ANKS6: variants seen among roughly 807,000 people sequenced by gnomAD.
ANKS6 encodes ankyrin repeat and sterile alpha motif domain containing 6.
ANKS6 carries 47 observed loss-of-function variants against 77.9 expected under a neutral mutation model. The observed-to-expected ratio is 0.60, with a 90% confidence interval of 0.48 to 0.77. The LOEUF (loss-of-function observed/expected upper bound fraction) is 0.77. ANKS6 is among the 30% of genes least tolerant of loss of function. ANKS6 has a pLI of 0.00. For synonymous variants in ANKS6, 488 were observed against 501.7 expected (o/e 0.97, Z 0.37); for missense variants, 1,150 against 1,159.1 (o/e 0.99, Z 0.11).
intron 13 of ANKS6, 74 bp from the exon 14 acceptor site, chr9:98,745,749 T>G: frequency 8.9e-7 from 1 of 1,121,566 alleles, no homozygotes; most frequent in Non-Finnish European, 1.4e-6. Context: ...AGCAATCTCA[T>G]GATTATGAGC....
At position 98,796,320 on chromosome 9, in the gene ANKS6, C is replaced by G; in HGVS notation, c.172G>C (p.Gly58Arg). Residue 58 changes from glycine to arginine, a missense_variant, in exon 1 of 15, where the codon GGG (glycine) becomes CGG (arginine). By Grantham distance (125) the Gly-to-Arg change is moderately radical (BLOSUM62 -2). Transcript: ENST00000353234. Reference sequence around the variant, plus strand: ...CCGACTGCCCCCGCCGCTGCGGCCCCGGGCCCGGCCACCTCGGCCCCCGCC... The same window carrying G: ...CCGACTGCCCCCGCCGCTGCGGCCCGGGGCCCGGCCACCTCGGCCCCCGCC... ...EPAGAEVAGP[G>R]AAAAGAVGAP... 8.2e-7 allele frequency: 1 copy of G among 1,221,906 alleles called. No homozygotes were observed. Among genetic ancestry groups the G allele is most frequent in the Non-Finnish European group, 1.0e-6 (1 of 982,618 alleles). 75.7% of individuals were successfully genotyped at this position (1,221,906 alleles called of 1,614,324 possible). A position where few individuals can be genotyped will look rare whatever the true frequency, so the allele number is the denominator to read the frequency against.
intron 8 of ANKS6, among the ~76,000 whole-genome samples, chr9:98,776,766 T>G (rs1368103379): frequency 1.3e-5 from 2 of 152,172 alleles, no homozygotes; most frequent in Non-Finnish European, 2.9e-5. Context: ...TCCTCTCTCC[T>G]GCTGGCTGGA....
chr9:98,760,018 T>C (rs979812639), intron 11 of ANKS6, among the ~76,000 whole-genome samples: 2 of 152,210 alleles, frequency 1.3e-5, no homozygotes, highest in Admixed American at 1.3e-4. Flanking sequence ...ATGTCTGATA[T>C]GATGGATATA....
intron 9 of ANKS6, among the ~76,000 whole-genome samples, chr9:98,773,343 T>C (rs1756780335): frequency 6.6e-6 from 1 of 152,214 alleles, no homozygotes; most frequent in Admixed American, 6.5e-5. Context: ...ATCTACCATC[T>C]AGATACAGGT....
intron 6 of ANKS6, among the ~76,000 whole-genome samples, chr9:98,779,368 A>G (rs1326866889): frequency 1.3e-5 from 2 of 152,238 alleles, no homozygotes; most frequent in Non-Finnish European, 2.9e-5. Flanking sequence ...TGGCATGATC[A>G]GCAAATATCC....
intron 14 of ANKS6, among the ~76,000 whole-genome samples, chr9:98,743,767 T>C (rs1831967122): frequency 6.6e-6 from 1 of 152,258 alleles, no homozygotes; most frequent in Non-Finnish European, 1.5e-5. Context: ...ATGTGTGACA[T>C]GCTCAGAGCA....
intron 12 of ANKS6, among the ~76,000 whole-genome samples, chr9:98,752,436 T>C (rs1227126890): frequency 6.6e-6 from 1 of 152,140 alleles, no homozygotes; most frequent in African/African-American, 2.4e-5. Flanking sequence ...TCCCTCCCTC[T>C]TTCCCTTCCT....
intron 13 of ANKS6, among the ~76,000 whole-genome samples, chr9:98,749,763 A>G (rs1243515035): frequency 6.6e-6 from 1 of 152,218 alleles, no homozygotes; most frequent in African/African-American, 2.4e-5. Flanking sequence ...TATATGGTAG[A>G]AAAGCAAACA....
intron 8 of ANKS6, 91 bp from the exon 9 acceptor site, chr9:98,774,171 A>G (rs1833792979): frequency 8.4e-7 from 1 of 1,189,342 alleles, no homozygotes; most frequent in Admixed American, 3.7e-5. Flanking sequence ...TTCTTGGGGC[A>G]TGGCACCACC....
intron 1 of ANKS6, among the ~76,000 whole-genome samples, chr9:98,792,582 T>C (rs1166325600): frequency 2.0e-5 from 3 of 152,188 alleles, no homozygotes; most frequent in East Asian, 3.8e-4. Context: ...TCCTCCACTG[T>C]AGTACATTTC....
At chr9:98,743,346 C>A (rs1462591071) in intron 14 of ANKS6, among the ~76,000 whole-genome samples, 1 of 151,922 alleles carries the variant, frequency 6.6e-6, no homozygotes, top group African/African-American at 2.4e-5. Context: ...CCTTTACCAC[C>A]CTGGGGGCCT....
chr9:98,732,506 A>G lies in ANKS6; in HGVS notation c.*4013T>C. 6.4e-7 allele frequency: 1 copy of G among 1,550,536 alleles called. No homozygotes were observed. The highest frequency in any genetic ancestry group is 8.7e-7 in the Non-Finnish European group (1 of 1,146,972). ...CAGCAGAGCCACCTGAGCGGCTGCTACCTCTTGCCGGAGGCAGTTTCTTCT... is the reference window on the plus strand; with the variant it reads ...CAGCAGAGCCACCTGAGCGGCTGCTGCCTCTTGCCGGAGGCAGTTTCTTCT... On this transcript the variant is annotated 3_prime_UTR_variant, in exon 15 of 15. Coordinates refer to ENST00000353234, the MANE Select transcript of ANKS6 (RefSeq NM_173551.5).
chr9:98,765,805 T>C (rs1564197784), intron 11 of ANKS6, among the ~76,000 whole-genome samples: 1 of 152,206 alleles, frequency 6.6e-6, no homozygotes, highest in Non-Finnish European at 1.5e-5. Context: ...GCCTTGTGGA[T>C]ATTCCACCAT....
chr9:98,755,531 G>A (rs1832653768), intron 12 of ANKS6, among the ~76,000 whole-genome samples: 1 of 152,234 alleles, frequency 6.6e-6, no homozygotes, highest in African/African-American at 2.4e-5. Flanking sequence ...GGGGGCTGCA[G>A]AGGCTGTAAT....
rs376048873 is a variant in ANKS6, at chr9:98,756,618, A to C, written c.2143-15T>G. ...GTCTCCAATTTCTGCTGAACAGAGT[A>C]AGACAAATACATAAGCCATCACCTG... On this transcript the variant is annotated splice_polypyrimidine_tract_variant and intron_variant, in intron 11 of 14. Transcript: ENST00000353234. 1 of 1,499,586 alleles carries C rather than the reference A, an allele frequency of 6.7e-7. No individual in the cohort carries two copies. Among genetic ancestry groups the C allele is most frequent in the South Asian group, 1.4e-5 (1 of 72,094 alleles). The allele number at this position is 1,499,586 out of a possible 1,614,324, so 92.9% of individuals were successfully genotyped here. A position where few individuals can be genotyped will look rare whatever the true frequency, so the allele number is the denominator to read the frequency against.
At chr9:98,790,015 G>T in intron 2 of ANKS6, 89 bp downstream of exon 2, 1 of 1,477,516 alleles carries the variant, frequency 6.8e-7, no homozygotes, top group East Asian at 2.3e-5. Context: ...TGAGTTCTGC[G>T]TGTCCTTCCA....
At chr9:98,778,980 C>T (rs1439131460) in intron 6 of ANKS6, among the ~76,000 whole-genome samples, 2 of 152,146 alleles carry the variant, frequency 1.3e-5, no homozygotes, top group Non-Finnish European at 2.9e-5. Context: ...GGTTAATGAA[C>T]AGCCACGAAG....
rs1834832786 is a variant in ANKS6, at chr9:98,790,347, C to A, written c.619G>T (p.Val207Leu). The change falls in exon 2 of 15, where the codon GTG becomes TTG. Residue 207 changes from valine to leucine, a missense_variant. Val to Leu is a conservative substitution (Grantham distance 32, BLOSUM62 1). Transcript: ENST00000353234. Reference sequence around the variant, plus strand: ...GCGCCCCACTCCATCAGTAGACGCACCACGGCCTCGTGCCCGTGCTGGATG... The same window carrying A: ...GCGCCCCACTCCATCAGTAGACGCAACACGGCCTCGTGCCCGTGCTGGATG... ...AAIQHGHEAVVRLLMEWGADP... is the reference protein window; with the variant it reads ...AAIQHGHEAVLRLLMEWGADP... 1.2e-6 allele frequency: 2 copies of A among 1,613,002 alleles called. No individual in the cohort carries two copies. Among genetic ancestry groups the A allele is most frequent in the Non-Finnish European group, 1.7e-6 (2 of 1,179,804 alleles).
At chr9:98,753,679 C>G (rs934571453) in intron 12 of ANKS6, among the ~76,000 whole-genome samples, 1 of 151,114 alleles carries the variant, frequency 6.6e-6, no homozygotes, top group African/African-American at 2.4e-5. Context: ...GGTGTAAATA[C>G]CCCCATCATA....
Sources: gnomAD v4.1 joint callset for allele counts (sites outside exome capture counted in the v4.1 genomes callset) on GRCh38, gnomAD v4.1.1 for gene constraint, MANE v1.5 for transcripts, NCBI Gene and HGNC (gene_info 2026-07-23, HGNC 2026-07-21) for gene names.